Variants in RAB5A observed in about 807,000 individuals in gnomAD.
RAB5A encodes the protein ras-related protein Rab-5A.
RAB5A carries 8 observed loss-of-function variants against 25.7 expected under a neutral mutation model. That is an observed-to-expected ratio of 0.31 (90% CI 0.18 to 0.56). The LOEUF is 0.56. RAB5A is among the 20% of genes least tolerant of loss of function. The pLI, the probability that RAB5A is intolerant of heterozygous loss-of-function variation, is 0.91. For synonymous variants in RAB5A, 98 were observed against 89.8 expected (o/e 1.09, Z -0.52); for missense variants, 192 against 259.7 (o/e 0.74, Z 1.79).
chr3:19,968,260 T>C (rs1487409713), intron 2 of RAB5A, among the ~76,000 whole-genome samples: 2 of 152,188 alleles, frequency 1.3e-5, no homozygotes, highest in Non-Finnish European at 2.9e-5. Flanking sequence ...CACATTGGGA[T>C]TGTTTTTTTA....
intron 4 of RAB5A, 142 bp downstream of exon 4, chr3:19,976,311 A>G (rs762757486): frequency 2.2e-6 from 2 of 907,792 alleles, no homozygotes; most frequent in South Asian, 4.3e-5. Context: ...AAAGTACTAC[A>G]TATAATAAAA....
intron 2 of RAB5A, among the ~76,000 whole-genome samples, chr3:19,963,623 G>T (rs76181330): frequency 1.3e-5 from 2 of 151,788 alleles, no homozygotes; most frequent in Admixed American, 1.3e-4. Context: ...CTATTATGTT[G>T]TAAAATTCTC....
In RAB5A at chr3:19,983,714, A is replaced by G. The variant is rs1190693269; in HGVS notation, c.539A>G (p.Lys180Arg). ...VNEIFMAIAK[K>R]LPKNEPQNPG... is the part of the protein sequence containing the mutation. ...TTTGATCATTTTCTTTCAGCTAAAAAATTGCCAAAGAATGAACCACAAAAT... is the reference window on the plus strand; with the variant it reads ...TTTGATCATTTTCTTTCAGCTAAAAGATTGCCAAAGAATGAACCACAAAAT... Residue 180 changes from lysine (K) to arginine (R), a missense_variant, in exon 6 of 6, where the codon AAA becomes AGA. Lys to Arg is a conservative substitution (Grantham distance 26). Coordinates refer to ENST00000273047, the MANE Select transcript of RAB5A (RefSeq NM_004162.5). The G allele has an allele frequency of 1.4e-5, 22 of 1,602,248 alleles. No homozygotes were observed. The Admixed American group carries it at 3.7e-4, about 27-fold the overall frequency.
At position 19,966,653 on chromosome 3, in the gene RAB5A, C is replaced by A. The variant is rs949760580; in HGVS notation, c.164-8948C>A. Among the ~76,000 whole-genome samples, 5 of 152,184 alleles carry A rather than the reference C, an allele frequency of 3.3e-5. No homozygotes were observed. The South Asian group carries it at 1.0e-3, about 32-fold the overall frequency. The stretch of plus-strand genomic sequence containing the variant: ...CAGCTGCAAAGCAGTTCCAGTTTCT[C>A]CACATGATCACCCACACTTTACCTT... On this transcript the variant is annotated intron_variant, in intron 2 of 5. Transcript: ENST00000273047.
In RAB5A at chr3:19,975,906, C is replaced by T. The variant is rs747286671; in HGVS notation, c.316-141C>T. On this transcript the variant is annotated intron_variant, in intron 3 of 5. Transcript: ENST00000273047. ...TAGAAAATCTGGTTTTAAAAAAAAA[C>T]GAAAATGTCTCATAATACAATAGTC... 7.2e-4 allele frequency: 891 copies of T among 1,237,892 alleles called. 1 individual carries two copies. Among genetic ancestry groups the T allele is most frequent in the Non-Finnish European group, 9.2e-4 (829 of 900,720 alleles). 76.7% of individuals were successfully genotyped at this position (1,237,892 alleles called of 1,614,324 possible).
chr3:19,956,394 C>T (rs1696502480), intron 2 of RAB5A, among the ~76,000 whole-genome samples: 1 of 152,104 alleles, frequency 6.6e-6, no homozygotes, highest in Non-Finnish European at 1.5e-5. Context: ...GCGGAGGTTG[C>T]AGTGAGCCGA....
intron 2 of RAB5A, among the ~76,000 whole-genome samples, chr3:19,966,215 G>A (rs191347790): frequency 1.1e-4 from 17 of 152,182 alleles, no homozygotes; most frequent in Non-Finnish European, 2.1e-4. Context: ...CCCGTGTCTG[G>A]CAACTACCAT....
intron 5 of RAB5A, among the ~76,000 whole-genome samples, 180 bp from the exon 6 acceptor site, chr3:19,983,528 C>G (rs768845656): frequency 1.1e-4 from 16 of 152,042 alleles, no homozygotes; most frequent in Non-Finnish European, 1.9e-4. Flanking sequence ...ATCAAACTCC[C>G]TAAGACAGCA....
chr3:19,948,744 A>AT (rs11391640), intron 1 of RAB5A, among the ~76,000 whole-genome samples: 13,357 of 146,538 alleles, frequency 0.091, 651 homozygotes, highest in Middle Eastern at 0.19. Flanking sequence ...ATCTTGTTTG[A>AT]TTTTTTTTTT....
intron 1 of RAB5A, chr3:19,947,875 G>T (rs1051685649): frequency 6.5e-6 from 1 of 152,812 alleles, no homozygotes; most frequent in African/African-American, 2.4e-5. Flanking sequence ...CAGGTTCGGG[G>T]GAGGAGGTTG....
At chr3:19,969,040 T>TGTTG (rs1285236227) in intron 2 of RAB5A, among the ~76,000 whole-genome samples, 1 of 74,718 alleles carries the variant, frequency 1.3e-5, no homozygotes, top group Non-Finnish European at 2.4e-5. Context: ...GGTTTTTTTT[T>TGTTG]TTTGGTTTTT....
At chr3:19,970,851 C>T (rs62241297) in intron 2 of RAB5A, 45,887 of 299,724 alleles carry the variant, frequency 0.15, 4,150 homozygotes, top group Middle Eastern at 0.2. Flanking sequence ...TTGAAGATGT[C>T]ACCTAAATGT....
rs1342814005 is a variant in RAB5A, at chr3:19,969,051, T to G, written c.164-6550T>G. ...TTTTGGTTTTTTTTTTTTGGTTTTT[T>G]TTTTTTTTTTGAGATGGAGTCTCAC... On this transcript the variant is annotated intron_variant, in intron 2 of 5. Transcript: ENST00000273047. Among the ~76,000 whole-genome samples, 9 of 142,636 alleles carry G rather than the reference T, an allele frequency of 6.3e-5. No homozygotes were observed. The East Asian group carries it at 1.4e-3, about 22-fold the overall frequency. The allele number at this position is 142,636 out of a possible 152,430, so 93.6% of individuals were successfully genotyped here. A position where few individuals can be genotyped will look rare whatever the true frequency, so the allele number is the denominator to read the frequency against.
At chr3:19,951,790 A>G (rs372950247) in intron 2 of RAB5A, among the ~76,000 whole-genome samples, 1 of 147,024 alleles carries the variant, frequency 6.8e-6, no homozygotes, top group African/African-American at 2.5e-5. Flanking sequence ...TCCAGCCTCA[A>G]CCTCCCAGGT....
intron 5 of RAB5A, among the ~76,000 whole-genome samples, chr3:19,980,675 A>G (rs954432381): frequency 6.6e-5 from 10 of 152,180 alleles, no homozygotes; most frequent in African/African-American, 1.9e-4. Flanking sequence ...TTGTTATTAT[A>G]TACAATATAT....
Position 19,978,346 on chromosome 3 carries a change from T to C in RAB5A, c.475T>C (p.Phe159Leu). ...QSYADDNSLL[F>L]METSAKTSMN... ...CTATGCAGATGACAATAGTTTATTA[T>C]TCATGGAGACATCCGCTAAAACATC... The change falls in exon 5 of 6, where the codon TTC becomes CTC. Residue 159 changes from phenylalanine to leucine, a missense_variant. Physicochemically the swap from Phe to Leu is conservative, Grantham distance 22. Coordinates refer to ENST00000273047, the MANE Select transcript of RAB5A (RefSeq NM_004162.5). The C allele has an allele frequency of 6.2e-7, 1 of 1,611,040 alleles. No individual in the cohort carries two copies. Among genetic ancestry groups the C allele is most frequent in the Non-Finnish European group, 8.5e-7 (1 of 1,177,514 alleles).
In RAB5A at chr3:19,969,052, T is replaced by TTC. The variant is rs1197554838; in HGVS notation, c.164-6548_164-6547insCT. 2.2e-5 allele frequency among the ~76,000 whole-genome samples: 3 copies of TTC among 139,266 alleles called. No homozygotes were observed. In the South Asian group the frequency reaches 6.7e-4, roughly 31 times the overall value. The allele number at this position is 139,266 out of a possible 152,430, so 91.4% of individuals were successfully genotyped here. On this transcript the variant is annotated intron_variant, in intron 2 of 5. Transcript: ENST00000273047. ...TTTGGTTTTTTTTTTTTGGTTTTTT[T>TTC]TTTTTTTTTGAGATGGAGTCTCACT...
intron 2 of RAB5A, among the ~76,000 whole-genome samples, chr3:19,952,321 C>G (rs777661980): frequency 6.6e-6 from 1 of 152,166 alleles, no homozygotes; most frequent in Non-Finnish European, 1.5e-5. Flanking sequence ...GTTTGAGATT[C>G]ACAATATTTT....
intron 2 of RAB5A, among the ~76,000 whole-genome samples, chr3:19,959,378 A>G (rs1309665724): frequency 6.6e-6 from 1 of 151,992 alleles, no homozygotes; most frequent in Non-Finnish European, 1.5e-5. Flanking sequence ...TTTAAAAGTG[A>G]TATTATATGC....
Sources: gnomAD v4.1 joint callset for allele counts (sites outside exome capture counted in the v4.1 genomes callset) on GRCh38, gnomAD v4.1.1 for gene constraint, MANE v1.5 for transcripts, NCBI Gene and HGNC (gene_info 2026-07-23, HGNC 2026-07-21) for gene names.